Variants in SLC39A11 observed in about 807,000 individuals in gnomAD.
The protein encoded by SLC39A11 is zinc transporter ZIP11.
A neutral mutation model predicts 36.1 loss-of-function variants in SLC39A11; 33 were observed. The ratio of observed to expected loss-of-function variants is 0.91; its 90% CI spans 0.69 to 1.22. SLC39A11 has a LOEUF of 1.22. Among genes scored for constraint, SLC39A11 ranks in the 50% most tolerant of loss-of-function variants. The pLI, the probability that SLC39A11 is intolerant of heterozygous loss-of-function variation, is 0.00. For missense variants in SLC39A11, 432 were observed against 430.3 expected (o/e 1.00, Z -0.03); for synonymous variants, 166 against 170.3 (o/e 0.97, Z 0.20).
At chr17:72,877,818 TTA>T (rs1423282006) in intron 5 of SLC39A11, among the ~76,000 whole-genome samples, 37 of 150,636 alleles carry the variant, frequency 2.5e-4, no homozygotes, top group African/African-American at 8.7e-4. Flanking sequence ...TTTTTATTTA[TTA>T]TTATTATTAT....
intron 4 of SLC39A11, among the ~76,000 whole-genome samples, chr17:72,974,073 G>C (rs938881024): frequency 6.6e-6 from 1 of 151,910 alleles, no homozygotes; most frequent in Non-Finnish European, 1.5e-5. Flanking sequence ...CTGACCCTTT[G>C]TAGGCCTAGG....
rs141876628 is a variant in SLC39A11 at position 72,767,382 on chromosome 17, T to G, written c.602-30663A>C. Among the ~76,000 whole-genome samples the G allele has an allele frequency of 2.7e-4, 41 of 152,322 alleles. No individual in the cohort carries two copies. The East Asian group carries it at 7.5e-3, about 28-fold the overall frequency. ...GCTGGACAGTGCTGGGCACCTTCCT[T>G]TCAAAGGAAAAGGTGAGGGCTGCAC... On this transcript the variant is annotated intron_variant, in intron 6 of 9. Coordinates refer to ENST00000255559, the MANE Select transcript of SLC39A11 (RefSeq NM_139177.4).
chr17:72,775,195 A>G (rs1293718189), intron 6 of SLC39A11, among the ~76,000 whole-genome samples: 2 of 152,052 alleles, frequency 1.3e-5, no homozygotes, highest in African/African-American at 4.8e-5. Flanking sequence ...TCTCTATAAC[A>G]GCGTCTGTGG....
intron 6 of SLC39A11, among the ~76,000 whole-genome samples, chr17:72,759,175 T>C (rs2075477821): frequency 6.6e-6 from 1 of 151,154 alleles, no homozygotes; most frequent in Non-Finnish European, 1.5e-5. Flanking sequence ...AGATACCAGA[T>C]AGCAGAAAAT....
chr17:72,876,212 A>G (rs980943721), intron 5 of SLC39A11, among the ~76,000 whole-genome samples: 2 of 152,178 alleles, frequency 1.3e-5, no homozygotes, highest in Non-Finnish European at 2.9e-5. Context: ...ATCAAGATCA[A>G]TGGGTGGAAA....
intron 7 of SLC39A11, among the ~76,000 whole-genome samples, chr17:72,724,667 C>T (rs142983660): frequency 6.6e-6 from 1 of 152,232 alleles, no homozygotes; most frequent in East Asian, 1.9e-4. Flanking sequence ...ACTTCAGTTT[C>T]TTCACTTATA....
chr17:72,649,341 G>A, intron 7 of SLC39A11, 73 bp from the exon 8 acceptor site: 2 of 1,375,734 alleles, frequency 1.5e-6, no homozygotes, highest in Admixed American at 2.0e-5. Flanking sequence ...CCCTGGCCGA[G>A]GCCAAGACCT....
At chr17:72,861,361 T>G (rs1022670926) in intron 5 of SLC39A11, among the ~76,000 whole-genome samples, 1 of 152,094 alleles carries the variant, frequency 6.6e-6, no homozygotes, top group Non-Finnish European at 1.5e-5. Flanking sequence ...CCCTTCAAGA[T>G]AGTCTACACT....
rs141733097 is a variant in SLC39A11, at chr17:72,820,413, C to CA, written c.601+29220_601+29221insT. 2.5e-3 allele frequency among the ~76,000 whole-genome samples: 385 copies of CA among 151,332 alleles called. 2 individuals carry two copies. The highest frequency in any genetic ancestry group is 8.1e-3 in the African/African-American group (336 of 41,458). ...AGCATCTTTAAGGCCTTCCCAGTCC[C>CA]TCCCTAATTTTCCTTGTGCCTCTCC... On this transcript the variant is annotated intron_variant, in intron 6 of 9. Transcript: ENST00000255559.
intron 7 of SLC39A11, among the ~76,000 whole-genome samples, chr17:72,696,573 C>A (rs1322937694): frequency 2.6e-5 from 4 of 152,088 alleles, no homozygotes; most frequent in African/African-American, 9.7e-5. Flanking sequence ...GTGTTGTCTG[C>A]TGTCTGACAT....
At chr17:73,024,864 A>ATTTTTTTTTTTTT (rs1163840820) in intron 4 of SLC39A11, among the ~76,000 whole-genome samples, 222 of 97,850 alleles carry the variant, frequency 2.3e-3, no homozygotes, top group Non-Finnish European at 2.6e-3. Context: ...TGCCCAGCTA[A>ATTTTTTTTTTTTT]TTTTTTTTTT....
At chr17:73,000,807 G>T (rs919732364) in intron 4 of SLC39A11, among the ~76,000 whole-genome samples, 3 of 152,204 alleles carry the variant, frequency 2.0e-5, no homozygotes, top group Non-Finnish European at 2.9e-5. Context: ...TAAGGCTGAG[G>T]CTTTGAAACT....
At chr17:73,089,286 C>A (rs2060846958) in intron 1 of SLC39A11, among the ~76,000 whole-genome samples, 1 of 152,040 alleles carries the variant, frequency 6.6e-6, no homozygotes, top group South Asian at 2.1e-4. Flanking sequence ...CTCCACCAAC[C>A]AACTTTTGAT....
intron 5 of SLC39A11, among the ~76,000 whole-genome samples, chr17:72,920,025 C>G (rs2083561904): frequency 6.6e-6 from 1 of 152,156 alleles, no homozygotes; most frequent in Non-Finnish European, 1.5e-5. Flanking sequence ...TTGGGAGAAA[C>G]TGCAGTTTCA....
intron 3 of SLC39A11, among the ~76,000 whole-genome samples, chr17:73,060,965 C>A (rs2059822802): frequency 6.6e-6 from 1 of 152,210 alleles, no homozygotes; most frequent in Non-Finnish European, 1.5e-5. Context: ...TCCTAAGCAA[C>A]TATAAGCCTA....
At chr17:72,689,356 G>A (rs1224607117) in intron 7 of SLC39A11, among the ~76,000 whole-genome samples, 4 of 152,230 alleles carry the variant, frequency 2.6e-5, no homozygotes, top group Non-Finnish European at 5.9e-5. Flanking sequence ...CAGCTATAGA[G>A]GTCATGGAAG....
chr17:72,743,416 G>T (rs938685058), intron 6 of SLC39A11, among the ~76,000 whole-genome samples: 5 of 152,174 alleles, frequency 3.3e-5, no homozygotes, highest in African/African-American at 1.2e-4. Flanking sequence ...AGTAGCAGGG[G>T]ACAAAAGTTC....
At chr17:72,701,324 C>T (rs1214361458) in intron 7 of SLC39A11, among the ~76,000 whole-genome samples, 2 of 152,172 alleles carry the variant, frequency 1.3e-5, no homozygotes, top group Non-Finnish European at 2.9e-5. Context: ...CTGAGGAGGG[C>T]ACACAAGGAC....
At chr17:73,033,625 T>C (rs2058810249) in intron 3 of SLC39A11, among the ~76,000 whole-genome samples, 4 of 152,304 alleles carry the variant, frequency 2.6e-5, no homozygotes, top group African/African-American at 9.6e-5. Flanking sequence ...CACTCATCCA[T>C]GGCTGTTTAC....
Sources: gnomAD v4.1 joint callset for allele counts (sites outside exome capture counted in the v4.1 genomes callset) on GRCh38, gnomAD v4.1.1 for gene constraint, MANE v1.5 for transcripts, NCBI Gene and HGNC (gene_info 2026-07-23, HGNC 2026-07-21) for gene names.